Variants in SPAG16 observed in about 807,000 individuals in gnomAD.
SPAG16 encodes the protein sperm associated antigen 16.
SPAG16 carries 86 observed loss-of-function variants against 80.4 expected under a neutral mutation model. That is an observed-to-expected ratio of 1.07 (90% CI 0.90 to 1.28). SPAG16 has a LOEUF of 1.28. SPAG16 is among the 50% of genes most tolerant of loss of function. SPAG16 has a pLI of 0.00. For missense variants in SPAG16, 870 were observed against 765.3 expected, an observed-to-expected ratio of 1.14 and a Z score of -1.61; for synonymous variants, 294 against 265.9, an observed-to-expected ratio of 1.11 and a Z score of -1.03.
intron 12 of SPAG16, among the ~76,000 whole-genome samples, chr2:213,985,942 T>C (rs1315346472): frequency 1.3e-5 from 2 of 152,072 alleles, no homozygotes; most frequent in Non-Finnish European, 2.9e-5. Context: ...TCATGGATAC[T>C]GATAAATCCA....
chr2:214,034,515 A>G (rs2048582396), intron 13 of SPAG16, among the ~76,000 whole-genome samples: 1 of 152,172 alleles, frequency 6.6e-6, no homozygotes, highest in Admixed American at 6.5e-5. Context: ...CCTGGATTGC[A>G]TGCCTGCCAA....
At chr2:214,080,114 T>C (rs1559767316) in intron 13 of SPAG16, among the ~76,000 whole-genome samples, 1 of 152,194 alleles carries the variant, frequency 6.6e-6, no homozygotes. Context: ...AATTCAATTA[T>C]ATCACTTAAT....
At chr2:213,389,669 C>G (rs1352358799) in intron 9 of SPAG16, among the ~76,000 whole-genome samples, 1 of 151,996 alleles carries the variant, frequency 6.6e-6, no homozygotes, top group Non-Finnish European at 1.5e-5. Flanking sequence ...TAAGGAAATA[C>G]AAATCAAAAC....
At chr2:213,576,481 C>A (rs554396506) in intron 10 of SPAG16, among the ~76,000 whole-genome samples, 1 of 151,992 alleles carries the variant, frequency 6.6e-6, no homozygotes, top group Non-Finnish European at 1.5e-5. Flanking sequence ...GGATATATAC[C>A]CAAAGGAATA....
chr2:213,482,556 A>T (rs776728668), intron 9 of SPAG16, among the ~76,000 whole-genome samples: 2 of 152,034 alleles, frequency 1.3e-5, no homozygotes, highest in South Asian at 4.1e-4. Flanking sequence ...TAGAATTTTT[A>T]TTTTATTTAT....
intron 9 of SPAG16, among the ~76,000 whole-genome samples, chr2:213,460,511 A>G (rs1189836232): frequency 6.6e-6 from 1 of 152,214 alleles, no homozygotes; most frequent in African/African-American, 2.4e-5. Flanking sequence ...AACCTCAATC[A>G]GGAATAAAAC....
intron 14 of SPAG16, among the ~76,000 whole-genome samples, chr2:214,119,023 A>T (rs2054086429): frequency 6.6e-6 from 1 of 152,282 alleles, no homozygotes; most frequent in East Asian, 1.9e-4. Flanking sequence ...GATAGATATG[A>T]TAATTATCCT....
chr2:214,307,734 T>G (rs1695019352), intron 15 of SPAG16, among the ~76,000 whole-genome samples: 1 of 152,204 alleles, frequency 6.6e-6, no homozygotes, highest in Non-Finnish European at 1.5e-5. Flanking sequence ...GATTTCTAAT[T>G]TGATTGTGCT....
At chr2:213,883,645 G>A (rs1305945318) in intron 11 of SPAG16, among the ~76,000 whole-genome samples, 2 of 152,024 alleles carry the variant, frequency 1.3e-5, no homozygotes, top group Non-Finnish European at 2.9e-5. Context: ...TGGTTGTCTA[G>A]ACCTTTTGAT....
intron 6 of SPAG16, among the ~76,000 whole-genome samples, chr2:213,349,325 G>A (rs930205564): frequency 3.3e-5 from 5 of 152,016 alleles, no homozygotes; most frequent in African/African-American, 1.2e-4. Context: ...AATAAGAGCT[G>A]AAATCAATAA....
intron 9 of SPAG16, among the ~76,000 whole-genome samples, chr2:213,442,649 G>A (rs2071042005): frequency 6.6e-6 from 1 of 152,056 alleles, no homozygotes; most frequent in African/African-American, 2.4e-5. Context: ...TGACAAAGGA[G>A]AAAAAGCAAT....
At chr2:213,444,378 C>T (rs1234325997) in intron 9 of SPAG16, among the ~76,000 whole-genome samples, 1 of 152,048 alleles carries the variant, frequency 6.6e-6, no homozygotes, top group African/African-American at 2.4e-5. Context: ...GGTTTATCAA[C>T]TAGTTTTGAG....
chr2:213,990,516 T>G (rs2046226931), intron 12 of SPAG16, among the ~76,000 whole-genome samples: 1 of 152,130 alleles, frequency 6.6e-6, no homozygotes, highest in African/African-American at 2.4e-5. Context: ...CACAAATGTA[T>G]ATTACATGTA....
At chr2:213,654,353 TTTTGTTTGTTTGTTTG>T (rs10611901) in intron 10 of SPAG16, among the ~76,000 whole-genome samples, 107 of 150,570 alleles carry the variant, frequency 7.1e-4, no homozygotes, top group East Asian at 2.0e-3. Context: ...CATCTATTGT[TTTTGTTTGTTTGTTTG>T]TTTGTTTGTT....
chr2:214,259,010 C>CCAA (rs1288578635), intron 15 of SPAG16, among the ~76,000 whole-genome samples: 1 of 151,850 alleles, frequency 6.6e-6, no homozygotes, highest in Non-Finnish European at 1.5e-5. Flanking sequence ...ATTAATAGTT[C>CCAA]CAACAACTGA....
chr2:213,313,412 T>C (rs1474908797), intron 4 of SPAG16, among the ~76,000 whole-genome samples: 5 of 151,896 alleles, frequency 3.3e-5, no homozygotes, highest in African/African-American at 1.2e-4. Context: ...TCATGCATTA[T>C]TTCATTTACT....
intron 10 of SPAG16, among the ~76,000 whole-genome samples, chr2:213,751,671 G>A (rs1164503036): frequency 1.3e-5 from 2 of 152,098 alleles, no homozygotes; most frequent in South Asian, 2.1e-4. Context: ...TGACGCACAC[G>A]CACGCCTGAA....
chr2:213,567,635 T>A (rs2059821585), intron 10 of SPAG16, among the ~76,000 whole-genome samples: 1 of 36,422 alleles, frequency 2.7e-5, no homozygotes, highest in Non-Finnish European at 4.4e-5. Flanking sequence ...TCTATCATTG[T>A]TGGACATTTG....
intron 15 of SPAG16, among the ~76,000 whole-genome samples, chr2:214,355,084 G>A (rs13023832): frequency 0.091 from 13,753 of 151,698 alleles, 742 homozygotes; most frequent in East Asian, 0.19. Context: ...GAAAACCTAC[G>A]CATTACCATT....
Sources: allele counts gnomAD v4.1 joint callset (sites outside exome capture counted in the v4.1 genomes callset), GRCh38; gene constraint gnomAD v4.1.1; transcripts MANE v1.5; gene names NCBI Gene and HGNC (gene_info 2026-07-23, HGNC 2026-07-21).